The following RDX variants were observed in gnomAD, a reference collection of about 807,000 sequenced individuals.
The protein encoded by RDX is deafness, autosomal recessive 24.
In RDX, 32 loss-of-function variants were observed where a neutral mutation model predicts 83.7. The observed-to-expected ratio is 0.38, with a 90% CI of 0.29 to 0.51. The LOEUF is 0.51. RDX is among the 20% of genes least tolerant of loss of function. The probability of loss-of-function intolerance (pLI) is 0.87; values close to 1 mark genes in which losing one functional copy is unlikely to be tolerated. For synonymous variants in RDX, 229 were observed against 222.7 expected (o/e 1.03, Z -0.25); for missense variants, 600 against 689.9 (o/e 0.87, Z 1.46).
At chr11:110,295,652 AAAAAAC>A (rs1486676396) in intron 1 of RDX, among the ~76,000 whole-genome samples, 1 of 150,972 alleles carries the variant, frequency 6.6e-6, no homozygotes, top group African/African-American at 2.4e-5. Context: ...GAAAAAAAAA[AAAAAAC>A]AAAAATGCAC....
chr11:110,251,886 G>A (rs930394354), intron 9 of RDX, among the ~76,000 whole-genome samples: 1 of 148,774 alleles, frequency 6.7e-6, no homozygotes, highest in Non-Finnish European at 1.5e-5. Flanking sequence ...AGGGAAAGAG[G>A]TCTCTTTGCT....
intron 15 of RDX, among the ~76,000 whole-genome samples, chr11:110,187,045 G>A (rs930125923): frequency 4.0e-5 from 6 of 151,842 alleles, no homozygotes; most frequent in African/African-American, 7.3e-5. Context: ...GGGCTGCCAC[G>A]GCCACAGTTT....
chr11:110,190,324 T>C (rs1322186201), intron 15 of RDX, among the ~76,000 whole-genome samples: 2 of 151,268 alleles, frequency 1.3e-5, no homozygotes, highest in Non-Finnish European at 3.0e-5. Context: ...CCTGTAATCC[T>C]AGCTACTCGG....
At chr11:110,274,647 T>A (rs1231536499) in intron 2 of RDX, among the ~76,000 whole-genome samples, 1 of 127,786 alleles carries the variant, frequency 7.8e-6, no homozygotes, top group Non-Finnish European at 1.8e-5. Context: ...ACTACACACT[T>A]CTCATATATT....
In RDX at chr11:110,264,174, A is replaced by T. The variant is rs760060345; in HGVS notation, c.253T>A (p.Phe85Ile). 4.3e-6 allele frequency: 7 copies of T among 1,611,182 alleles called. No individual in the cohort carries two copies. In the African/African-American group the frequency reaches 5.3e-5, roughly 12 times the overall value. ...AATTCCTCAGAAACATCTTCAGGAA[A>T]GAATTTAGCTCTAAACTTGAACTGT... is the stretch of plus-strand genomic sequence containing the variant. ...PLQFKFRAKF[F>I]PEDVSEELIQ... The change falls in exon 5 of 14, where the codon TTT becomes ATT. Residue 85 changes from phenylalanine (F) to isoleucine (I), a missense_variant. Physicochemically the swap from Phe to Ile is conservative, Grantham distance 21. Transcript: ENST00000645495.
intron 14 of RDX, among the ~76,000 whole-genome samples, chr11:110,210,902 CCAT>C (rs1281813968): frequency 2.0e-5 from 3 of 151,894 alleles, no homozygotes; most frequent in African/African-American, 7.3e-5. Context: ...AATGTAAAGA[CCAT>C]CGAGACACTA....
At chr11:110,241,324 T>C (rs1254680389) in intron 10 of RDX, among the ~76,000 whole-genome samples, 2 of 151,734 alleles carry the variant, frequency 1.3e-5, no homozygotes, top group East Asian at 2.0e-4. Context: ...TGAGATGGAG[T>C]CTCACTCTGT....
intron 11 of RDX, chr11:110,236,499 T>A: frequency 3.3e-6 from 1 of 300,802 alleles, no homozygotes. Context: ...AACTATTTGT[T>A]AAAGTCCACA....
chr11:110,274,388 T>C (rs984380286), intron 2 of RDX, among the ~76,000 whole-genome samples: 2 of 152,232 alleles, frequency 1.3e-5, no homozygotes, highest in Admixed American at 6.5e-5. Flanking sequence ...GTTTGTAAAA[T>C]AGCTTCATTT....
Position 110,251,867 on chromosome 11 carries a change from A to G in RDX, c.959+2079T>C, listed in dbSNP as rs117268133. Among the ~76,000 whole-genome samples, 87 of 152,254 alleles carry G rather than the reference A, an allele frequency of 5.7e-4. No homozygotes were observed. The East Asian group carries it at 0.014, about 25-fold the overall frequency. ...GGAGTAAATATAGCCAAATATACCA[A>G]AGTATTGTAGGGAAAGAGGTCTCTT... On this transcript the variant is annotated intron_variant, in intron 9 of 13. Transcript: ENST00000645495.
At chr11:110,203,168 C>T (rs1259585387) in intron 14 of RDX, among the ~76,000 whole-genome samples, 1 of 152,126 alleles carries the variant, frequency 6.6e-6, no homozygotes, top group Non-Finnish European at 1.5e-5. Flanking sequence ...CAATGGAGTA[C>T]TATTCAGCCA....
Position 110,270,051 on chromosome 11 carries a change from A to T in RDX, c.96+2485T>A, listed in dbSNP as rs186493403. Reference sequence around the variant, plus strand: ...GGAGTGAGAGCCAATCTAAAAAAAAATTTTTTTTTAATAAAGAAATAAGTA... The same window carrying T: ...GGAGTGAGAGCCAATCTAAAAAAAATTTTTTTTTTAATAAAGAAATAAGTA... On this transcript the variant is annotated intron_variant, in intron 3 of 13. Coordinates refer to ENST00000645495, the MANE Select transcript of RDX (RefSeq NM_002906.4). 6.4e-3 allele frequency among the ~76,000 whole-genome samples: 965 copies of T among 151,812 alleles called. 10 individuals are homozygous for T. The highest frequency in any genetic ancestry group is 0.021 in the African/African-American group (865 of 41,346).
intron 14 of RDX, among the ~76,000 whole-genome samples, chr11:110,210,329 T>C (rs1380479656): frequency 8.3e-6 from 1 of 120,738 alleles, no homozygotes; most frequent in East Asian, 2.7e-4. Flanking sequence ...CCAAGAAATA[T>C]GGGACTATGT....
At chr11:110,266,556 G>A (rs1295717516) in intron 3 of RDX, among the ~76,000 whole-genome samples, 1 of 151,772 alleles carries the variant, frequency 6.6e-6, no homozygotes, top group Non-Finnish European at 1.5e-5. Flanking sequence ...TTGGTTTTTT[G>A]TGGGAGTTTT....
rs1864709007 is a variant in RDX at position 110,233,245 on chromosome 11, GCTT to G, written c.1576_1578del (p.Lys526del). 1.2e-6 allele frequency: 2 copies of G among 1,612,898 alleles called. No homozygotes were observed. Among genetic ancestry groups the G allele is most frequent in the Non-Finnish European group, 1.7e-6 (2 of 1,179,918 alleles). ...CTGCAAATTTTAAATACCTGAAGTT[GCTT>G]CTTAACACGCTCATTTTTCTGTGTT... On this transcript the variant is annotated inframe_deletion, in exon 13 of 14. Transcript: ENST00000645495.
At chr11:110,208,938 A>T (rs1863706621) in intron 14 of RDX, among the ~76,000 whole-genome samples, 1 of 152,252 alleles carries the variant, frequency 6.6e-6, no homozygotes, top group South Asian at 2.1e-4. Flanking sequence ...CCTGGGCAAC[A>T]AGAGCAAAAC....
At chr11:110,235,334 T>C (rs78303181) in intron 12 of RDX, among the ~76,000 whole-genome samples, 4,246 of 152,254 alleles carry the variant, frequency 0.028, 96 homozygotes, top group Non-Finnish European at 0.038. Context: ...AGTAAGACCA[T>C]GTCTCTAAAA....
chr11:110,252,762 C>A (rs545360176), intron 9 of RDX, among the ~76,000 whole-genome samples: 1 of 146,398 alleles, frequency 6.8e-6, no homozygotes, highest in South Asian at 2.2e-4. Context: ...ATCAAAGTAA[C>A]AATCCAACTC....
intron 13 of RDX, 110 bp downstream of exon 13, chr11:110,233,127 C>T: frequency 7.4e-7 from 1 of 1,358,524 alleles, no homozygotes; most frequent in East Asian, 2.3e-5. Context: ...AAACCAATCA[C>T]AAGGGCAGCC....
Sources: allele counts gnomAD v4.1 joint callset (sites outside exome capture counted in the v4.1 genomes callset), GRCh38; gene constraint gnomAD v4.1.1; transcripts MANE v1.5; gene names NCBI Gene and HGNC (gene_info 2026-07-23, HGNC 2026-07-21).